Variants in SEC14L1 observed in about 807,000 individuals in gnomAD.
SEC14L1 encodes SEC14-like protein 1.
SEC14L1 carries 48 observed loss-of-function variants against 85.3 expected under a neutral mutation model. The observed-to-expected ratio is 0.56, with a 90% CI of 0.45 to 0.72. The LOEUF is 0.72. Among genes scored for constraint, SEC14L1 ranks in the 30% least tolerant of loss-of-function variants. The pLI is 0.00. For missense variants in SEC14L1, 682 were observed against 921.4 expected (o/e 0.74, Z 3.36); for synonymous variants, 391 against 355.5 (o/e 1.10, Z -1.12).
In SEC14L1 at chr17:77,114,952, T is replaced by A. The variant is rs183726979; in HGVS notation, c.-136+21605T>A. 5.3e-5 allele frequency among the ~76,000 whole-genome samples: 8 copies of A among 152,028 alleles called. No individual in the cohort carries two copies. The South Asian group carries it at 1.5e-3, about 28-fold the overall frequency. On this transcript the variant is annotated intron_variant, in intron 3 of 19. Coordinates refer to the SEC14L1 transcript ENST00000392476. ...GCAGGAACACAGGTCTCTTCTCAGT[T>A]CCTGAGAAGAGAACTGTTTTCTTGT...
intron 8 of SEC14L1, 81 bp from the exon 9 acceptor site, chr17:77,200,403 A>T: frequency 2.7e-6 from 3 of 1,125,502 alleles, no homozygotes; most frequent in Non-Finnish European, 3.9e-6. Context: ...TCCTGAGCTC[A>T]AGCGATCCGT....
intron 1 of SEC14L1, among the ~76,000 whole-genome samples, chr17:77,142,257 C>T (rs1363361406): frequency 9.9e-5 from 15 of 152,066 alleles, no homozygotes; most frequent in Admixed American, 9.8e-4. Context: ...AAGTTCCAAA[C>T]CTGTTTAAAC....
chr17:77,200,410 C>A, intron 8 of SEC14L1, 74 bp from the exon 9 acceptor site: 3 of 1,186,396 alleles, frequency 2.5e-6, no homozygotes, highest in Non-Finnish European at 3.6e-6. Flanking sequence ...CTCAAGCGAT[C>A]CGTCCACCGC....
intron 3 of SEC14L1, among the ~76,000 whole-genome samples, chr17:77,176,156 G>A (rs996122795): frequency 2.6e-5 from 4 of 152,114 alleles, no homozygotes. Context: ...TGAGCGTGGT[G>A]CTGCACACCT....
chr17:77,214,043 A>C lies in SEC14L1; in HGVS notation c.*20A>C, dbSNP rs1976914985. The C allele has an allele frequency of 6.2e-7, 1 of 1,609,076 alleles. No individual in the cohort carries two copies. The highest frequency in any genetic ancestry group is 1.3e-5 in the African/African-American group (1 of 74,770). On this transcript the variant is annotated 3_prime_UTR_variant, in exon 17 of 17. Transcript: ENST00000436233. ...AGGTAGTGCCGCGCTGCCTGCACCT[A>C]GTGTGCAGAGGGGACGGCCGCCCCT...
chr17:77,188,943 CT>C (rs1975396049), intron 3 of SEC14L1, among the ~76,000 whole-genome samples: 1 of 151,700 alleles, frequency 6.6e-6, no homozygotes, highest in African/African-American at 2.4e-5. Flanking sequence ...TGAGATATCA[CT>C]TCCTGTCTCT....
chr17:77,182,915 G>A (rs912167412), intron 3 of SEC14L1, among the ~76,000 whole-genome samples: 4 of 152,208 alleles, frequency 2.6e-5, no homozygotes, highest in Non-Finnish European at 5.9e-5. Context: ...TCCCCAGGCC[G>A]CTGCTCCTCC....
intron 2 of SEC14L1, among the ~76,000 whole-genome samples, chr17:77,090,274 A>G (rs1215406264): frequency 6.6e-6 from 1 of 151,402 alleles, no homozygotes; most frequent in Non-Finnish European, 1.5e-5. Context: ...CCTGGGTGAC[A>G]GAGCAAGACT....
Position 77,206,170 on chromosome 17 carries a change from GAC to G in SEC14L1, c.1170-55_1170-54del. 6.5e-7 allele frequency: 1 copy of G among 1,540,126 alleles called. No homozygotes were observed. Among genetic ancestry groups the G allele is most frequent in the South Asian group, 1.2e-5 (1 of 84,980 alleles). On this transcript the variant is annotated intron_variant, in intron 11 of 16. Coordinates refer to ENST00000436233, the MANE Select transcript of SEC14L1 (RefSeq NM_001143998.2). This position sits in a 1 kb window ranked among gnomAD's most constrained non-coding sequence, Gnocchi z 4.3. The stretch of plus-strand genomic sequence containing the variant: ...AAATGACCAAAAAGGAAGAAAATAA[GAC>G]ACAGTTTGCTAAGTGTGCTGTCTGT...
In SEC14L1 at chr17:77,193,325, A is replaced by C. The variant is rs1471988281; in HGVS notation, c.346-96A>C. On this transcript the variant is annotated intron_variant, in intron 5 of 16. Coordinates refer to ENST00000436233, the MANE Select transcript of SEC14L1 (RefSeq NM_001143998.2). ...ATGGTAGTAGCATTGTTAGTAACGT[A>C]AGTGTTTTTTTCTGGTTACTGGTTA... 3 of 1,179,380 alleles carry C rather than the reference A, an allele frequency of 2.5e-6. No individual in the cohort carries two copies. The African/African-American group carries it at 4.6e-5, about 18-fold the overall frequency. 73.1% of individuals were successfully genotyped at this position (1,179,380 alleles called of 1,614,324 possible). A position where few individuals can be genotyped will look rare whatever the true frequency, so the allele number is the denominator to read the frequency against.
At chr17:77,123,464 T>C (rs1057502817) in intron 3 of SEC14L1, among the ~76,000 whole-genome samples, 3 of 123,504 alleles carry the variant, frequency 2.4e-5, no homozygotes, top group African/African-American at 9.7e-5. Context: ...CAGGCTGGAG[T>C]GCGGTGGCGA....
intron 9 of SEC14L1, among the ~76,000 whole-genome samples, 196 bp downstream of exon 9, chr17:77,200,869 G>A (rs893479553): frequency 6.6e-6 from 1 of 152,160 alleles, no homozygotes; most frequent in Non-Finnish European, 1.5e-5. Context: ...GTCCCGCCCC[G>A]GGCAGCCAGG....
chr17:77,143,550 A>G lies in SEC14L1; in HGVS notation c.-30-17A>G, dbSNP rs1973150246. ...TCTGCATTGTGGTTACTTATCACAT[A>G]TATTTATGTTTTGCAGGTGTGAGAG... On this transcript the variant is annotated splice_polypyrimidine_tract_variant and intron_variant, in intron 2 of 16. Transcript: ENST00000436233. 1.3e-6 allele frequency: 2 copies of G among 1,484,322 alleles called. No homozygotes were observed. Among genetic ancestry groups the G allele is most frequent in the Non-Finnish European group, 1.9e-6 (2 of 1,063,686 alleles). The allele number at this position is 1,484,322 out of a possible 1,614,324, so 91.9% of individuals were successfully genotyped here.
chr17:77,116,918 T>C (rs1366678220), intron 3 of SEC14L1, among the ~76,000 whole-genome samples: 3 of 152,192 alleles, frequency 2.0e-5, no homozygotes, highest in Non-Finnish European at 4.4e-5. Context: ...TTTTGGACCA[T>C]GATTCCAGGC....
rs539413572 is a variant in SEC14L1 at position 77,176,687 on chromosome 17, A to G, written c.64-14116A>G. Among the ~76,000 whole-genome samples, 11 of 152,260 alleles carry G rather than the reference A, an allele frequency of 7.2e-5. No homozygotes were observed. The South Asian group carries it at 2.1e-3, about 29-fold the overall frequency. ...CTGCATCCTCCACCTCCCAGGTTCA[A>G]GTGATTCTCCTGCCTCAGCCTTCTG... On this transcript the variant is annotated intron_variant, in intron 3 of 16. Coordinates refer to ENST00000436233, the MANE Select transcript of SEC14L1 (RefSeq NM_001143998.2).
In SEC14L1 at chr17:77,143,915, C is replaced by T. The variant is rs144492712; in HGVS notation, c.63+256C>T. The T allele has an allele frequency of 7.1e-5, 24 of 339,138 alleles. No individual in the cohort carries two copies. In the East Asian group the frequency reaches 1.4e-3, roughly 20 times the overall value. 21.0% of individuals were successfully genotyped at this position (339,138 alleles called of 1,614,324 possible). On this transcript the variant is annotated intron_variant, in intron 3 of 16. Coordinates refer to ENST00000436233, the MANE Select transcript of SEC14L1 (RefSeq NM_001143998.2). ...GAAGTTAATTCTCCCTTTGAACACA[C>T]AGAAGTGGGATTCTAAGCACTTCTT...
intron 3 of SEC14L1, among the ~76,000 whole-genome samples, chr17:77,108,397 C>G (rs913817659): frequency 1.3e-5 from 2 of 152,188 alleles, no homozygotes; most frequent in Non-Finnish European, 2.9e-5. Context: ...GTTCTTCCCA[C>G]AGGTAACTGA....
At chr17:77,177,933 G>A (rs926902095) in intron 3 of SEC14L1, among the ~76,000 whole-genome samples, 4 of 152,032 alleles carry the variant, frequency 2.6e-5, no homozygotes, top group African/African-American at 4.8e-5. Context: ...CACTGTCATT[G>A]GGGGACAGAG....
chr17:77,178,735 TGA>T (rs1182731225), intron 3 of SEC14L1, among the ~76,000 whole-genome samples: 5 of 152,192 alleles, frequency 3.3e-5, no homozygotes, highest in African/African-American at 9.7e-5. Context: ...CTCACTCCTG[TGA>T]GAGTCTGATG....
Sources: allele counts gnomAD v4.1 joint callset (sites outside exome capture counted in the v4.1 genomes callset), GRCh38; gene constraint gnomAD v4.1.1; non-coding constraint Gnocchi (gnomAD v3.1); transcripts MANE v1.5; gene names NCBI Gene and HGNC (gene_info 2026-07-23, HGNC 2026-07-21).